The following IFNGR1 variants were observed in gnomAD, a reference collection of about 807,000 sequenced individuals.
IFNGR1 encodes the protein interferon gamma receptor 1.
IFNGR1 carries 23 observed loss-of-function variants against 35.4 expected under a neutral mutation model. The observed-to-expected ratio is 0.65, with a 90% CI of 0.47 to 0.92. The LOEUF is 0.92. Ranked by LOEUF, IFNGR1 falls within the 40% of genes least tolerant of loss-of-function variation. The probability of loss-of-function intolerance (pLI) is 0.00; values close to 1 mark genes in which losing one functional copy is unlikely to be tolerated. For synonymous variants in IFNGR1, 199 were observed against 209.5 expected (o/e 0.95, Z 0.43); for missense variants, 533 against 583.4 (o/e 0.91, Z 0.89).
intron 1 of IFNGR1, among the ~76,000 whole-genome samples, chr6:137,217,037 G>A (rs1348977231): frequency 6.6e-6 from 1 of 152,206 alleles, no homozygotes; most frequent in Non-Finnish European, 1.5e-5. Context: ...ATAGGGCCCC[G>A]TATTCAGAAG....
chr6:137,216,243 C>G (rs924769779), intron 1 of IFNGR1, among the ~76,000 whole-genome samples: 11 of 152,210 alleles, frequency 7.2e-5, no homozygotes, highest in Non-Finnish European at 1.6e-4. Context: ...AGCTGATAAA[C>G]TGTACAAGGT....
intron 2 of IFNGR1, 101 bp from the exon 3 acceptor site, chr6:137,206,409 T>C (rs1779430419): frequency 1.2e-6 from 1 of 860,858 alleles, no homozygotes; most frequent in South Asian, 1.6e-5. Context: ...CACAAAGCGG[T>C]AGAAAGAGCA....
rs757939072 is a variant in IFNGR1, at chr6:137,207,099, A to C, written c.86-22T>G. The C allele has an allele frequency of 2.5e-6, 4 of 1,613,234 alleles. No homozygotes were observed. In the East Asian group the frequency reaches 6.7e-5, roughly 27 times the overall value. On this transcript the variant is annotated intron_variant, in intron 1 of 6. Coordinates refer to ENST00000367739, the MANE Select transcript of IFNGR1 (RefSeq NM_000416.3). ...GGCACTGTAAGAAAATAAAAAAGTA[A>C]AAGGGACAATTGTAAGAAACTAACA...
Position 137,206,319 on chromosome 6 carries a change from TA to T in IFNGR1, c.201-12del, listed in dbSNP as rs753497013. The T allele has an allele frequency of 3.2e-6, 5 of 1,581,454 alleles. No homozygotes were observed. The highest frequency in any genetic ancestry group is 4.3e-6 in the Non-Finnish European group (5 of 1,151,446). ...TCTGAATTCTTAACACTAAAAAGAA[TA>T]AAAAAATGCGAAGATAACTTTTATT... On this transcript the variant is annotated splice_polypyrimidine_tract_variant and intron_variant, in intron 2 of 6. Transcript: ENST00000367739.
At chr6:137,201,770 AT>A in intron 5 of IFNGR1, among the ~76,000 whole-genome samples, 1 of 152,144 alleles carries the variant, frequency 6.6e-6, no homozygotes, top group Non-Finnish European at 1.5e-5. Flanking sequence ...TTCCTGTTAC[AT>A]TTATTTCACG....
chr6:137,200,574 G>C (rs1194850816), intron 6 of IFNGR1, among the ~76,000 whole-genome samples: 1 of 152,050 alleles, frequency 6.6e-6, no homozygotes, highest in African/African-American at 2.4e-5. Flanking sequence ...CATGGGCTCA[G>C]GTATAAATCT....
chr6:137,212,541 C>G (rs1779601415), intron 1 of IFNGR1, among the ~76,000 whole-genome samples: 1 of 152,206 alleles, frequency 6.6e-6, no homozygotes, highest in Admixed American at 6.5e-5. Flanking sequence ...CAGGTGTGAG[C>G]CACCGGGCCC....
chr6:137,201,351 G>A lies in IFNGR1; in HGVS notation c.734-343C>T, dbSNP rs121913181. Among the ~76,000 whole-genome samples the A allele has an allele frequency of 5.3e-5, 8 of 152,236 alleles. No individual in the cohort carries two copies. The East Asian group carries it at 9.6e-4, about 18-fold the overall frequency. On this transcript the variant is annotated intron_variant, in intron 5 of 6. Coordinates refer to ENST00000367739, the MANE Select transcript of IFNGR1 (RefSeq NM_000416.3). ...ATTTCTTTCGGTTAAAAATGCAAAA[G>A]AATAATTTTAAAAATACCTCTCCTT...
At chr6:137,201,667 A>AT (rs544791792) in intron 5 of IFNGR1, among the ~76,000 whole-genome samples, 375 of 151,184 alleles carry the variant, frequency 2.5e-3, no homozygotes, top group African/African-American at 8.5e-3. Context: ...GCGAGACTCC[A>AT]TTTCAAAACA....
intron 1 of IFNGR1, chr6:137,218,839 C>A: frequency 2.8e-6 from 1 of 354,102 alleles, no homozygotes. Context: ...TGCAGGCAAC[C>A]GTAGCATACT....
intron 5 of IFNGR1, among the ~76,000 whole-genome samples, chr6:137,201,814 C>A (rs17181751): frequency 0.023 from 3,508 of 152,236 alleles, 127 homozygotes; most frequent in African/African-American, 0.077. Flanking sequence ...CACAGATGTA[C>A]ATGCACACAG....
At chr6:137,206,940 A>T in intron 2 of IFNGR1, 23 bp downstream of exon 2, 1 of 1,549,042 alleles carries the variant, frequency 6.5e-7, no homozygotes, top group East Asian at 2.2e-5. Context: ...AATAAAAAGG[A>T]TAAATAAAAG....
Position 137,204,587 on chromosome 6 carries a change from A to C in IFNGR1, c.374-83T>G, listed in dbSNP as rs962673786. On this transcript the variant is annotated intron_variant, in intron 3 of 6. Transcript: ENST00000367739. ...TTTCATAAAATTACCAGAATCTATCAATCAACCTATTGTTTTTGTTCTGGT... is the reference window on the plus strand; with the variant it reads ...TTTCATAAAATTACCAGAATCTATCCATCAACCTATTGTTTTTGTTCTGGT... 4.4e-6 allele frequency: 5 copies of C among 1,133,020 alleles called. No individual in the cohort carries two copies. In the African/African-American group the frequency reaches 4.6e-5, roughly 10 times the overall value. The allele number at this position is 1,133,020 out of a possible 1,614,324, so 70.2% of individuals were successfully genotyped here. A position where few individuals can be genotyped will look rare whatever the true frequency, so the allele number is the denominator to read the frequency against.
intron 6 of IFNGR1, among the ~76,000 whole-genome samples, chr6:137,199,366 T>G (rs1219383418): frequency 7.7e-6 from 1 of 129,774 alleles, no homozygotes; most frequent in Non-Finnish European, 1.6e-5. Flanking sequence ...TATAATATAT[T>G]ATATAAAATA....
intron 6 of IFNGR1, among the ~76,000 whole-genome samples, chr6:137,199,407 T>C (rs1562283108): frequency 8.1e-6 from 1 of 122,960 alleles, no homozygotes; most frequent in African/African-American, 3.1e-5. Context: ...ATATAATTTA[T>C]AATATATTAT....
chr6:137,213,657 C>T (rs1202153058), intron 1 of IFNGR1, among the ~76,000 whole-genome samples: 1 of 152,146 alleles, frequency 6.6e-6, no homozygotes, highest in Non-Finnish European at 1.5e-5. Flanking sequence ...ATCGACGGGA[C>T]CATAACAATG....
chr6:137,215,305 G>A (rs984718165), intron 1 of IFNGR1: 2 of 1,548,668 alleles, frequency 1.3e-6, no homozygotes, highest in Non-Finnish European at 1.7e-6. Context: ...ACTATTTTCT[G>A]GTGACTTCAA....
At chr6:137,206,344 T>C (rs1779428163) in intron 2 of IFNGR1, 36 bp from the exon 3 acceptor site, 1 of 1,497,580 alleles carries the variant, frequency 6.7e-7, no homozygotes, top group Admixed American at 1.7e-5. Flanking sequence ...ATAACTTTTA[T>C]TGTTATTAAA....
At chr6:137,202,237 G>A (rs1779294141) in intron 5 of IFNGR1, among the ~76,000 whole-genome samples, 1 of 152,240 alleles carries the variant, frequency 6.6e-6, no homozygotes, top group Admixed American at 6.5e-5. Flanking sequence ...AAGGCATTGA[G>A]GCAAGCAGGC....
Sources: allele counts gnomAD v4.1 joint callset (sites outside exome capture counted in the v4.1 genomes callset), GRCh38; gene constraint gnomAD v4.1.1; transcripts MANE v1.5; gene names NCBI Gene and HGNC (gene_info 2026-07-23, HGNC 2026-07-21).